Variants in PLA2R1 observed in about 807,000 individuals in gnomAD.
PLA2R1 encodes secretory phospholipase A2 receptor.
A neutral mutation model predicts 195.9 loss-of-function variants in PLA2R1; 158 were observed. The ratio of observed to expected loss-of-function variants is 0.81; its 90% confidence interval spans 0.71 to 0.92. PLA2R1 has a LOEUF of 0.92. Ranked by LOEUF, PLA2R1 falls within the 40% of genes least tolerant of loss-of-function variation. The pLI, the probability that PLA2R1 is intolerant of heterozygous loss-of-function variation, is 0.00. For synonymous variants in PLA2R1, 586 were observed against 598.2 expected (o/e 0.98, Z 0.30); for missense variants, 1,626 against 1,764.6 (o/e 0.92, Z 1.41).
intron 11 of PLA2R1, among the ~76,000 whole-genome samples, chr2:159,991,439 C>CTTTTTTTTTTTTTTTTTTTTTTTTT (rs34466452): frequency 7.4e-6 from 1 of 136,022 alleles, no homozygotes; most frequent in African/African-American, 2.7e-5. Flanking sequence ...CACTTTCTTT[C>CTTTTTTTTTTTTTTTTTTTTTTTTT]TTTTTTTTTT....
chr2:160,054,488 G>T lies in PLA2R1; in HGVS notation c.109+7807C>A, dbSNP rs553295130. 2.6e-5 allele frequency among the ~76,000 whole-genome samples: 4 copies of T among 152,260 alleles called. No individual in the cohort carries two copies. In the East Asian group the frequency reaches 7.7e-4, roughly 29 times the overall value. ...TTGAGTTTCCTGTTTATATTTTCATGATTGAAAAGTTCTCAAGAGCAGAAT... is the reference window on the plus strand; with the variant it reads ...TTGAGTTTCCTGTTTATATTTTCATTATTGAAAAGTTCTCAAGAGCAGAAT... On this transcript the variant is annotated intron_variant, in intron 1 of 29. Transcript: ENST00000283243.
rs1686833703 is a variant in PLA2R1 at position 159,936,356 on chromosome 2, C to G, written c.*5422G>C. ...CAATTATTGTTAGTATACAATTGAT[C>G]AGAACAAAATAAATATGTTACAAAG... On this transcript the variant is annotated 3_prime_UTR_variant, in exon 30 of 30. Transcript: ENST00000283243. 1 of 151,956 alleles carries G rather than the reference C, an allele frequency of 6.6e-6. No individual in the cohort carries two copies. Among genetic ancestry groups the G allele is most frequent in the African/African-American group, 2.4e-5 (1 of 41,352 alleles). The allele number at this position is 151,956 out of a possible 1,614,324, so 9.4% of individuals were successfully genotyped here.
intron 9 of PLA2R1, among the ~76,000 whole-genome samples, chr2:160,013,719 C>G (rs60877724): frequency 0.65 from 70,331 of 107,594 alleles, 22,412 homozygotes; most frequent in East Asian, 0.79. Context: ...CTCTCTCTCT[C>G]TCTGTGTGTG....
chr2:160,002,562 A>G (rs966373247), intron 11 of PLA2R1, among the ~76,000 whole-genome samples: 12 of 151,936 alleles, frequency 7.9e-5, no homozygotes, highest in African/African-American at 2.9e-4. Flanking sequence ...TAAACCTACC[A>G]CTCAAAGGTT....
intron 20 of PLA2R1, among the ~76,000 whole-genome samples, chr2:159,957,797 A>G (rs1358459348): frequency 1.3e-5 from 2 of 152,218 alleles, no homozygotes; most frequent in African/African-American, 4.8e-5. Flanking sequence ...GTTTGGTGAG[A>G]GGAAAAGATA....
chr2:160,016,061 C>T (rs964360476), intron 9 of PLA2R1, among the ~76,000 whole-genome samples: 16 of 151,980 alleles, frequency 1.1e-4, no homozygotes, highest in African/African-American at 3.6e-4. Flanking sequence ...GTCAGGAGTT[C>T]GAGACAAGTC....
rs1423360776 is a variant in PLA2R1 at position 159,977,391 on chromosome 2, G to T, written c.2294C>A (p.Thr765Asn). ...TPVVSSFLDN[T>N]YFGEDARNCA... ...GTTTCTTGCATCTTCTCCAAAATAA[G>T]TGTTGTCTAAAAACGAAGAGACAAC... The change falls in exon 15 of 30, where the codon ACT becomes AAT. Residue 765 changes from threonine to asparagine, a missense_variant. Thr to Asn is a moderately conservative substitution (Grantham distance 65, BLOSUM62 0). Coordinates refer to ENST00000283243, the MANE Select transcript of PLA2R1 (RefSeq NM_007366.5). 6.2e-7 allele frequency: 1 copy of T among 1,612,818 alleles called. No individual in the cohort carries two copies.
intron 7 of PLA2R1, among the ~76,000 whole-genome samples, chr2:160,020,937 C>A (rs149352294): frequency 6.6e-6 from 1 of 152,242 alleles, no homozygotes; most frequent in East Asian, 1.9e-4. Flanking sequence ...AAAGCCTAAG[C>A]AAGTTGGATT....
intron 2 of PLA2R1, among the ~76,000 whole-genome samples, chr2:160,042,831 GTGTGTGTGTGTA>G (rs879807855): frequency 0.02 from 1,698 of 84,116 alleles, 40 homozygotes; most frequent in East Asian, 0.048. Context: ...GTGTGTGTGT[GTGTGTGTGTGTA>G]TGTGTGAGAC....
At chr2:159,946,316 T>C (rs1482580049) in intron 27 of PLA2R1, 2 of 984,972 alleles carry the variant, frequency 2.0e-6, no homozygotes, top group African/African-American at 3.5e-5. Flanking sequence ...TCTTCACAAG[T>C]ACCTTTCAAT....
chr2:160,029,310 G>A (rs1212908700), intron 4 of PLA2R1, among the ~76,000 whole-genome samples: 1 of 152,232 alleles, frequency 6.6e-6, no homozygotes, highest in Non-Finnish European at 1.5e-5. Context: ...AGGAAGAGGT[G>A]TGCAGGGTCA....
At position 160,006,226 on chromosome 2, in the gene PLA2R1, G is replaced by C. The variant is rs549653160; in HGVS notation, c.1665-405C>G. Among the ~76,000 whole-genome samples the C allele has an allele frequency of 1.1e-4, 16 of 152,282 alleles. No homozygotes were observed. In the South Asian group the frequency reaches 2.9e-3, roughly 28 times the overall value. ...CGGGGTAAAGGTGGGCAGGAGGGAG[G>C]AGGAAAGATATTATGCTTTTCTGAA... On this transcript the variant is annotated intron_variant, in intron 10 of 29. Transcript: ENST00000283243.
chr2:160,024,458 AGT>A, intron 6 of PLA2R1, among the ~76,000 whole-genome samples: 1 of 152,130 alleles, frequency 6.6e-6, no homozygotes, highest in South Asian at 2.1e-4. Flanking sequence ...CATGTTCCCC[AGT>A]GTGTGTGCTG....
chr2:159,942,190 T>C, intron 28 of PLA2R1, 31 bp from the exon 29 acceptor site: 1 of 1,562,490 alleles, frequency 6.4e-7, no homozygotes. Flanking sequence ...TAAAATGAGG[T>C]TTTTCTTTTA....
At chr2:159,963,768 C>A (rs1392469786) in intron 20 of PLA2R1, among the ~76,000 whole-genome samples, 1 of 152,226 alleles carries the variant, frequency 6.6e-6, no homozygotes, top group East Asian at 1.9e-4. Flanking sequence ...CCCTCACACA[C>A]GGCTAGCAGG....
At chr2:160,042,576 A>T (rs535007829) in intron 2 of PLA2R1, among the ~76,000 whole-genome samples, 11 of 152,338 alleles carry the variant, frequency 7.2e-5, no homozygotes, top group African/African-American at 2.6e-4. Context: ...ATTCATAGGC[A>T]TTTATTAATT....
intron 11 of PLA2R1, among the ~76,000 whole-genome samples, chr2:160,002,979 T>C (rs1397607831): frequency 6.6e-6 from 1 of 152,064 alleles, no homozygotes; most frequent in Non-Finnish European, 1.5e-5. Flanking sequence ...TTCAGCTACA[T>C]TGATTCTATT....
At chr2:159,928,564 T>C (rs1205918364), downstream of PLA2R1, among the ~76,000 whole-genome samples, 1 of 152,218 alleles carries the variant, frequency 6.6e-6, no homozygotes, top group East Asian at 1.9e-4. Flanking sequence ...ATCAATATTG[T>C]GAAAATGACC....
intron 11 of PLA2R1, 68 bp downstream of exon 11, chr2:160,005,584 C>A: frequency 7.3e-7 from 1 of 1,378,944 alleles, no homozygotes; most frequent in Non-Finnish European, 1.0e-6. Flanking sequence ...AGGAGGTGGG[C>A]CAAGGGGTGG....
Sources: gnomAD v4.1 joint callset for allele counts (sites outside exome capture counted in the v4.1 genomes callset) on GRCh38, gnomAD v4.1.1 for gene constraint, MANE v1.5 for transcripts, NCBI Gene and HGNC (gene_info 2026-07-23, HGNC 2026-07-21) for gene names.